Variants in NLGN1 observed in about 807,000 individuals in gnomAD.
NLGN1 encodes the protein neuroligin-1.
Under a neutral mutation model 65.5 loss-of-function variants are expected in NLGN1, and 12 were observed. The ratio of observed to expected loss-of-function variants is 0.18; its 90% CI spans 0.12 to 0.30. The LOEUF is 0.30. NLGN1 is among the 10% of genes least tolerant of loss of function. NLGN1 has a pLI of 1.00. For synonymous variants in NLGN1, 350 were observed against 359.5 expected (o/e 0.97, Z 0.30); for missense variants, 750 against 1,007.1 (o/e 0.74, Z 3.46).
At chr3:174,020,362 C>T (rs1727505182) in intron 4 of NLGN1, among the ~76,000 whole-genome samples, 3 of 151,784 alleles carry the variant, frequency 2.0e-5, no homozygotes, top group Admixed American at 1.3e-4. Flanking sequence ...TTTTTCCTGC[C>T]AAAAATTGTC....
intron 4 of NLGN1, among the ~76,000 whole-genome samples, chr3:173,831,471 C>G (rs1205819106): frequency 6.6e-6 from 1 of 152,206 alleles, no homozygotes; most frequent in East Asian, 1.9e-4. Context: ...ACAACTACTA[C>G]AGTGGCAAGA....
intron 4 of NLGN1, among the ~76,000 whole-genome samples, chr3:173,922,745 G>T (rs1157951999): frequency 6.6e-6 from 1 of 152,086 alleles, no homozygotes; most frequent in African/African-American, 2.4e-5. Context: ...CTAATGCCAT[G>T]TGTCGTCTCT....
intron 4 of NLGN1, among the ~76,000 whole-genome samples, chr3:173,920,036 C>T (rs1044209345): frequency 6.6e-6 from 1 of 151,760 alleles, no homozygotes; most frequent in African/African-American, 2.4e-5. Flanking sequence ...CTGCCCAGAG[C>T]AGGGTTGAGA....
At chr3:173,842,796 A>G (rs1026472235) in intron 4 of NLGN1, among the ~76,000 whole-genome samples, 2 of 152,142 alleles carry the variant, frequency 1.3e-5, no homozygotes, top group Non-Finnish European at 2.9e-5. Context: ...TTCCAGGTGC[A>G]TGGTGCAAGC....
intron 2 of NLGN1, among the ~76,000 whole-genome samples, chr3:173,447,640 T>C (rs1306673347): frequency 6.6e-6 from 1 of 152,200 alleles, no homozygotes; most frequent in Non-Finnish European, 1.5e-5. Flanking sequence ...AATCTATAAA[T>C]TACCTTGGGC....
chr3:173,858,783 G>C (rs1199951300), intron 4 of NLGN1, among the ~76,000 whole-genome samples: 1 of 152,032 alleles, frequency 6.6e-6, no homozygotes, highest in African/African-American at 2.4e-5. Flanking sequence ...AAATCGCATA[G>C]ATAGTTTATA....
intron 4 of NLGN1, among the ~76,000 whole-genome samples, chr3:173,819,701 A>C (rs182233687): frequency 2.6e-5 from 4 of 152,252 alleles, no homozygotes; most frequent in Non-Finnish European, 4.4e-5. Flanking sequence ...CCTACTTGTT[A>C]TGGTTATGTA....
rs139457583 is a variant in NLGN1 at position 173,511,953 on chromosome 3, A to G, written c.-321+76875A>G. Among the ~76,000 whole-genome samples, 16 of 152,272 alleles carry G rather than the reference A, an allele frequency of 1.1e-4. No homozygotes were observed. The East Asian group carries it at 2.7e-3, about 26-fold the overall frequency. On this transcript the variant is annotated intron_variant, in intron 2 of 6. Transcript: ENST00000457714. ...TTTTCTTGACCCCTTCCTAAGATTC[A>G]TGACAGGGGTGCATCACTTACCAAG...
chr3:173,864,215 T>G (rs1448376327), intron 4 of NLGN1, among the ~76,000 whole-genome samples: 1 of 152,208 alleles, frequency 6.6e-6, no homozygotes, highest in Non-Finnish European at 1.5e-5. Flanking sequence ...AAATAACCTT[T>G]TGTCTCCATT....
rs75638557 is a variant in NLGN1, at chr3:173,477,333, G to C, written c.-321+42255G>C. On this transcript the variant is annotated intron_variant, in intron 2 of 6. Transcript: ENST00000457714. ...AGGCGGGAGGATCCCTTGAGGCCAC[G>C]AATTCAAGATCAGCCTTGGCAACAT... 6.3e-3 allele frequency among the ~76,000 whole-genome samples: 959 copies of C among 152,078 alleles called. 62 individuals are homozygous for C. The East Asian group carries it at 0.15, about 24-fold the overall frequency.
chr3:173,478,808 C>T (rs1285499085), intron 2 of NLGN1, among the ~76,000 whole-genome samples: 1 of 151,716 alleles, frequency 6.6e-6, no homozygotes, highest in African/African-American at 2.4e-5. Context: ...ATCACTTGAA[C>T]CTGTGAGGCA....
At position 173,462,880 on chromosome 3, in the gene NLGN1, C is replaced by CTT. The variant is rs1297455080; in HGVS notation, c.-321+27804_-321+27805dup. Among the ~76,000 whole-genome samples, 3 of 152,324 alleles carry CTT rather than the reference C, an allele frequency of 2.0e-5. No homozygotes were observed. The East Asian group carries it at 5.8e-4, about 29-fold the overall frequency. ...AAAGGTGTTTTATATTCTGCTGAGA[C>CTT]TTTATTTTGGCAGTAAGTCCTCTTT... On this transcript the variant is annotated intron_variant, in intron 2 of 6. Coordinates refer to ENST00000457714, the Ensembl canonical transcript of NLGN1.
chr3:173,924,712 A>G lies in NLGN1; in HGVS notation c.646+116880A>G, dbSNP rs116205754. Among the ~76,000 whole-genome samples the G allele has an allele frequency of 7.7e-3, 1,173 of 152,230 alleles. 9 individuals carry two copies. Among genetic ancestry groups the G allele is most frequent in the African/African-American group, 0.026 (1,098 of 41,546 alleles). ...TTTATAACATGCCAATATTTACTGT[A>G]TGTTGGGAATTATATATTTTTAAAT... On this transcript the variant is annotated intron_variant, in intron 4 of 6. Transcript: ENST00000457714.
intron 4 of NLGN1, among the ~76,000 whole-genome samples, chr3:173,995,516 T>G (rs1722073308): frequency 6.6e-6 from 1 of 152,120 alleles, no homozygotes; most frequent in Non-Finnish European, 1.5e-5. Context: ...TATGTCAAGA[T>G]GGTATCCCAC....
chr3:173,804,573 A>G (rs1201567860), intron 3 of NLGN1, among the ~76,000 whole-genome samples: 1 of 151,156 alleles, frequency 6.6e-6, no homozygotes, highest in African/African-American at 2.4e-5. Flanking sequence ...TATCTGATAT[A>G]TTAGTTTTAT....
intron 4 of NLGN1, among the ~76,000 whole-genome samples, chr3:174,104,976 A>G (rs1713392128): frequency 6.6e-6 from 1 of 152,136 alleles, no homozygotes; most frequent in African/African-American, 2.4e-5. Flanking sequence ...GGATATGGCT[A>G]GTGACAAGAG....
intron 4 of NLGN1, among the ~76,000 whole-genome samples, chr3:174,049,012 A>T (rs1370639182): frequency 6.6e-6 from 1 of 152,040 alleles, no homozygotes; most frequent in African/African-American, 2.4e-5. Flanking sequence ...TTTGGTAAAG[A>T]TGGGTTACAT....
intron 2 of NLGN1, among the ~76,000 whole-genome samples, chr3:173,532,891 A>G (rs1006784563): frequency 6.6e-6 from 1 of 152,200 alleles, no homozygotes; most frequent in Non-Finnish European, 1.5e-5. Flanking sequence ...TCCTGAAACC[A>G]AGTTGATGGA....
At chr3:173,635,258 G>A (rs1577657342) in intron 3 of NLGN1, among the ~76,000 whole-genome samples, 1 of 152,014 alleles carries the variant, frequency 6.6e-6, no homozygotes, top group African/African-American at 2.4e-5. Context: ...TTTTACTCCT[G>A]TGACTCAGAG....
Sources: gnomAD v4.1 joint callset for allele counts (sites outside exome capture counted in the v4.1 genomes callset) on GRCh38, gnomAD v4.1.1 for gene constraint, MANE v1.5 for transcripts, NCBI Gene and HGNC (gene_info 2026-07-23, HGNC 2026-07-21) for gene names.